ENOX2: variants seen among roughly 807,000 people sequenced by gnomAD.
The protein encoded by ENOX2 is APK1 antigen.
Under a neutral mutation model 45.0 loss-of-function variants are expected in ENOX2, and 36 were observed. The observed-to-expected ratio is 0.80, with a 90% CI of 0.61 to 1.06. The LOEUF is 1.06. ENOX2 is among the 50% of genes least tolerant of loss of function. The pLI is 0.00. For missense variants in ENOX2, 423 were observed against 462.5 expected, an observed-to-expected ratio of 0.91 and a Z score of 0.78; for synonymous variants, 174 against 152.3, an observed-to-expected ratio of 1.14 and a Z score of -1.05.
At chrX:130,764,072 C>T (rs1029775988) in intron 3 of ENOX2, among the ~76,000 whole-genome samples, 1 of 110,945 alleles carries the variant, frequency 9.0e-6, no homozygotes, top group African/African-American at 3.3e-5. Context: ...AAACCAAAAT[C>T]TCCGAGTATG....
At chrX:130,846,869 G>A (rs1371017836) in intron 2 of ENOX2, among the ~76,000 whole-genome samples, 1 of 112,062 alleles carries the variant, frequency 8.9e-6, no homozygotes, top group African/African-American at 3.2e-5. Flanking sequence ...AATAGGCAGA[G>A]AGAAAAAATC....
chrX:130,855,598 A>G (rs1238506841), intron 2 of ENOX2, among the ~76,000 whole-genome samples: 1 of 111,737 alleles, frequency 8.9e-6, no homozygotes, highest in African/African-American at 3.2e-5. Flanking sequence ...TAAAATGTAT[A>G]TGCTAGACAA....
chrX:130,709,366 G>C, intron 3 of ENOX2: 2 of 943,477 alleles, frequency 2.1e-6, no homozygotes, highest in South Asian at 3.9e-5. Flanking sequence ...AGCTGGGCGT[G>C]GTAGCTCATG....
At chrX:130,807,050 T>A (rs1252532522) in intron 2 of ENOX2, among the ~76,000 whole-genome samples, 1 of 112,008 alleles carries the variant, frequency 8.9e-6, no homozygotes, top group Non-Finnish European at 1.9e-5. Context: ...CTAACTACAC[T>A]TGACCTAATT....
At chrX:130,699,283 G>T (rs2037840442) in intron 4 of ENOX2, among the ~76,000 whole-genome samples, 1 of 112,111 alleles carries the variant, frequency 8.9e-6, no homozygotes, top group African/African-American at 3.2e-5. Flanking sequence ...CCTACTCAAT[G>T]AATATAATAA....
At chrX:130,860,239 G>A (rs549351151) in intron 2 of ENOX2, among the ~76,000 whole-genome samples, 4 of 112,242 alleles carry the variant, frequency 3.6e-5, no homozygotes, top group South Asian at 7.4e-4. Context: ...TTACAGGCAT[G>A]AGCCACTGTG....
rs1287665701 is a variant in ENOX2 at position 130,710,587 on chromosome X, G to A, written c.-38-7333C>T. Among the ~76,000 whole-genome samples the A allele has an allele frequency of 2.7e-5, 3 of 111,917 alleles. No homozygotes were observed. The Admixed American group carries it at 2.8e-4, about 11-fold the overall frequency. The stretch of plus-strand genomic sequence containing the variant: ...AATTATCTGGCCTAAAATGTCAATA[G>A]TGCTGAGGTTGAGAAATCCTGCTCT... On this transcript the variant is annotated intron_variant, in intron 3 of 14. Coordinates refer to ENST00000394363, the MANE Select transcript of ENOX2 (RefSeq NM_006375.4).
At chrX:130,804,683 A>G (rs186471083) in intron 2 of ENOX2, among the ~76,000 whole-genome samples, 1 of 111,932 alleles carries the variant, frequency 8.9e-6, no homozygotes, top group African/African-American at 3.2e-5. Flanking sequence ...AGGTGATCCT[A>G]CTTTTAGAAT....
intron 6 of ENOX2, among the ~76,000 whole-genome samples, 194 bp from the exon 7 acceptor site, chrX:130,670,392 G>T (rs1282569937): frequency 2.7e-5 from 3 of 111,758 alleles, no homozygotes; most frequent in African/African-American, 9.8e-5. Flanking sequence ...TGCTTAGCAA[G>T]TAAATCATCA....
At chrX:130,821,704 TA>T (rs1169703982) in intron 2 of ENOX2, among the ~76,000 whole-genome samples, 4,755 of 35,390 alleles carry the variant, frequency 0.13, 234 homozygotes, top group Non-Finnish European at 0.19. Context: ...AAAAAAAAAT[TA>T]AAAAAAAAAT....
intron 3 of ENOX2, among the ~76,000 whole-genome samples, chrX:130,745,093 A>G (rs968379364): frequency 2.7e-5 from 3 of 111,732 alleles, no homozygotes; most frequent in African/African-American, 9.8e-5. Flanking sequence ...GGTGCCAAAA[A>G]GGTTGCGGAC....
chrX:130,722,563 C>T (rs1351764513), intron 3 of ENOX2, among the ~76,000 whole-genome samples: 1 of 112,022 alleles, frequency 8.9e-6, no homozygotes, highest in Non-Finnish European at 1.9e-5. Flanking sequence ...TTGAATACAG[C>T]TCAGAAAGGA....
chrX:130,809,627 T>A lies in ENOX2; in HGVS notation c.-182-25937A>T, dbSNP rs184044185. Among the ~76,000 whole-genome samples the A allele has an allele frequency of 5.4e-5, 6 of 111,995 alleles. No individual in the cohort carries two copies. In the South Asian group the frequency reaches 2.3e-3, roughly 42 times the overall value. On this transcript the variant is annotated intron_variant, in intron 2 of 14. Coordinates refer to ENST00000394363, the MANE Select transcript of ENOX2 (RefSeq NM_006375.4). ...GATTTGTCTCCCTCTTCTCATTCTT[T>A]ATGTATTAAAATTGTGAGTAGAACA...
At chrX:130,834,362 A>C (rs983766683) in intron 2 of ENOX2, among the ~76,000 whole-genome samples, 22 of 111,361 alleles carry the variant, frequency 2.0e-4, no homozygotes, top group Non-Finnish European at 3.8e-4. Flanking sequence ...TCCCCAGGGC[A>C]CTGGGCTCCG....
rs374168078 is a variant in ENOX2 at position 130,667,624 on chromosome X, G to T, written c.813C>A (p.Val271=). 5.4e-5 allele frequency: 65 copies of T among 1,209,378 alleles called. 1 individual carries two copies. Among genetic ancestry groups the T allele is most frequent in the Non-Finnish European group, 3.4e-6 (3 of 894,547 alleles). ...CAGCTTTCTCGTTCACCAGGCGGCG[G>T]ACATGGCTGTTGGCCGACTGGATCA... ...YSMIQSANSH[V]RRLVNEKAAH... The change falls in exon 8 of 15, where the codon GTC becomes GTA. Residue 271 remains valine, a synonymous_variant. Coordinates refer to ENST00000394363, the MANE Select transcript of ENOX2 (RefSeq NM_006375.4).
At chrX:130,684,727 T>C (rs1393607382) in intron 5 of ENOX2, among the ~76,000 whole-genome samples, 1 of 112,112 alleles carries the variant, frequency 8.9e-6, no homozygotes, top group Non-Finnish European at 1.9e-5. Context: ...GTGGGGTTTA[T>C]ATTCTACAAA....
At chrX:130,763,790 G>T (rs1407480202) in intron 3 of ENOX2, among the ~76,000 whole-genome samples, 1 of 110,993 alleles carries the variant, frequency 9.0e-6, no homozygotes, top group Non-Finnish European at 1.9e-5. Flanking sequence ...CAGAAGTGTT[G>T]ATGTGCCTCA....
At chrX:130,849,014 A>G (rs910757666) in intron 2 of ENOX2, among the ~76,000 whole-genome samples, 5 of 112,119 alleles carry the variant, frequency 4.5e-5, no homozygotes, top group South Asian at 3.7e-4. Context: ...AGCTGAAAGC[A>G]CTAGTTAAAA....
chrX:130,892,073 C>A (rs921154933), intron 2 of ENOX2, among the ~76,000 whole-genome samples: 2 of 111,492 alleles, frequency 1.8e-5, no homozygotes, highest in East Asian at 5.7e-4. Context: ...TAGCATCTCG[C>A]ATAGTACTTG....
Sources: allele counts gnomAD v4.1 joint callset (sites outside exome capture counted in the v4.1 genomes callset), GRCh38; gene constraint gnomAD v4.1.1; transcripts MANE v1.5; gene names NCBI Gene and HGNC (gene_info 2026-07-23, HGNC 2026-07-21).